Variants in ALK observed in about 807,000 individuals in gnomAD.
ALK encodes the protein ALK tyrosine kinase receptor.
ALK carries 74 observed loss-of-function variants against 163.1 expected under a neutral mutation model. The observed-to-expected ratio is 0.45, with a 90% CI of 0.38 to 0.55. The LOEUF (loss-of-function observed/expected upper bound fraction) is 0.55. Ranked by LOEUF, ALK falls within the 20% of genes least tolerant of loss-of-function variation. The probability of loss-of-function intolerance (pLI) is 0.00; values close to 1 mark genes in which losing one functional copy is unlikely to be tolerated. For missense variants in ALK, 2,063 were observed against 2,105.3 expected (o/e 0.98, Z 0.39); for synonymous variants, 960 against 843.2 (o/e 1.14, Z -2.40).
intron 1 of ALK, among the ~76,000 whole-genome samples, chr2:29,914,193 C>T (rs903391096): frequency 4.6e-5 from 7 of 152,218 alleles, no homozygotes; most frequent in African/African-American, 1.4e-4. Context: ...TACCACACTT[C>T]AATCCTCCTT....
chr2:29,847,088 G>C (rs772893768), intron 1 of ALK, among the ~76,000 whole-genome samples: 13 of 152,162 alleles, frequency 8.5e-5, no homozygotes, highest in Non-Finnish European at 1.9e-4. Flanking sequence ...AAAACACAGA[G>C]AGGAATCTCA....
intron 1 of ALK, among the ~76,000 whole-genome samples, chr2:29,836,221 T>C (rs373518724): frequency 2.9e-4 from 44 of 152,276 alleles, no homozygotes; most frequent in African/African-American, 1.1e-3. Flanking sequence ...ACAATCAAAA[T>C]AGCAAATTTT....
intron 13 of ALK, among the ~76,000 whole-genome samples, chr2:29,235,973 G>T (rs1664366927): frequency 6.8e-6 from 1 of 147,404 alleles, no homozygotes. Flanking sequence ...CGCCTGAGTA[G>T]CTGGGAGTAC....
At chr2:29,679,454 T>G (rs773917296) in intron 3 of ALK, among the ~76,000 whole-genome samples, 31 of 151,938 alleles carry the variant, frequency 2.0e-4, no homozygotes, top group Admixed American at 5.9e-4. Flanking sequence ...TTTTCTTTCT[T>G]TCTTTTCTCT....
At chr2:29,918,788 A>G (rs1572501463) in intron 1 of ALK, among the ~76,000 whole-genome samples, 1 of 152,182 alleles carries the variant, frequency 6.6e-6, no homozygotes, top group East Asian at 1.9e-4. Context: ...TCCAATTAAT[A>G]TTAGACATTA....
chr2:29,893,160 C>T (rs1036305735), intron 1 of ALK, among the ~76,000 whole-genome samples: 2 of 152,148 alleles, frequency 1.3e-5, no homozygotes, highest in South Asian at 2.1e-4. Flanking sequence ...AATATTTCCA[C>T]CCCTCCCCTT....
chr2:29,707,577 G>A (rs1678948502), intron 2 of ALK, among the ~76,000 whole-genome samples: 1 of 152,194 alleles, frequency 6.6e-6, no homozygotes, highest in African/African-American at 2.4e-5. Context: ...CAGAGGAGGA[G>A]ATAAGGTTAT....
At chr2:29,812,356 C>T (rs901912290) in intron 1 of ALK, among the ~76,000 whole-genome samples, 2 of 151,972 alleles carry the variant, frequency 1.3e-5, no homozygotes, top group Non-Finnish European at 2.9e-5. Context: ...ATACCCCCGC[C>T]ATCATCAATT....
At chr2:29,213,022 T>C (rs1299998962) in intron 24 of ALK, among the ~76,000 whole-genome samples, 1 of 152,242 alleles carries the variant, frequency 6.6e-6, no homozygotes, top group East Asian at 1.9e-4. Flanking sequence ...ACAACATCTC[T>C]CATTTTCTCT....
At chr2:29,285,284 C>T (rs1020417242) in intron 9 of ALK, among the ~76,000 whole-genome samples, 1 of 152,166 alleles carries the variant, frequency 6.6e-6, no homozygotes, top group East Asian at 1.9e-4. Context: ...GAGACAGAGT[C>T]TAGCTCTGCC....
intron 4 of ALK, among the ~76,000 whole-genome samples, chr2:29,527,349 T>C (rs1489402442): frequency 1.3e-5 from 2 of 152,130 alleles, no homozygotes; most frequent in African/African-American, 4.8e-5. Context: ...CCAGCATGAA[T>C]GCAAATTTTT....
At chr2:29,828,675 G>A (rs1227710076) in intron 1 of ALK, among the ~76,000 whole-genome samples, 1 of 152,190 alleles carries the variant, frequency 6.6e-6, no homozygotes, top group East Asian at 1.9e-4. Context: ...ACAGGTGCTG[G>A]AGAGGATGTG....
intron 3 of ALK, among the ~76,000 whole-genome samples, chr2:29,545,876 T>C (rs895623114): frequency 1.3e-5 from 2 of 152,166 alleles, no homozygotes; most frequent in Admixed American, 6.5e-5. Context: ...AATGAGTTAG[T>C]TGTAGCCTAG....
intron 4 of ALK, among the ~76,000 whole-genome samples, chr2:29,385,153 G>A (rs1328064844): frequency 1.3e-5 from 2 of 149,710 alleles, no homozygotes; most frequent in African/African-American, 4.9e-5. Context: ...TTGGGCTTTG[G>A]TATGGCAGTA....
At chr2:29,233,470 G>T in intron 14 of ALK, 95 bp downstream of exon 14, 2 of 1,554,910 alleles carry the variant, frequency 1.3e-6, no homozygotes, top group South Asian at 1.1e-5. Context: ...ACGGGGATAA[G>T]AGCATCTGAG....
intron 1 of ALK, among the ~76,000 whole-genome samples, chr2:29,747,674 A>C (rs2148328857): frequency 6.6e-6 from 1 of 152,344 alleles, no homozygotes; most frequent in Middle Eastern, 3.4e-3. Context: ...AGCCCCAGAG[A>C]CCATTTGGCC....
intron 5 of ALK, among the ~76,000 whole-genome samples, chr2:29,334,744 C>A (rs1210835792): frequency 1.3e-5 from 2 of 152,228 alleles, no homozygotes; most frequent in Non-Finnish European, 2.9e-5. Flanking sequence ...GATTTCCAGG[C>A]TCCCTGGCAC....
intron 4 of ALK, among the ~76,000 whole-genome samples, chr2:29,513,183 C>G (rs1198276483): frequency 6.8e-6 from 1 of 147,458 alleles, no homozygotes; most frequent in African/African-American, 2.6e-5. Flanking sequence ...AAAGAGCCCA[C>G]ATCGCCAAGT....
Position 29,883,959 on chromosome 2 carries a change from A to G in ALK, c.667+36034T>C, listed in dbSNP as rs148679703. On this transcript the variant is annotated intron_variant, in intron 1 of 28. Coordinates refer to ENST00000389048, the MANE Select transcript of ALK (RefSeq NM_004304.5). Reference sequence around the variant, plus strand: ...ACTACCATAAAACATACACAAATCTATAAGTTAAAATGTATTAAAACTTAT... The same window carrying G: ...ACTACCATAAAACATACACAAATCTGTAAGTTAAAATGTATTAAAACTTAT... 4.1e-4 allele frequency among the ~76,000 whole-genome samples: 63 copies of G among 152,338 alleles called. No homozygotes were observed. In the East Asian group the frequency reaches 0.012, roughly 28 times the overall value.
Sources: gnomAD v4.1 joint callset for allele counts (sites outside exome capture counted in the v4.1 genomes callset) on GRCh38, gnomAD v4.1.1 for gene constraint, MANE v1.5 for transcripts, NCBI Gene and HGNC (gene_info 2026-07-23, HGNC 2026-07-21) for gene names.